PRKD2: variants seen among roughly 807,000 people sequenced by gnomAD.
PRKD2 encodes serine/threonine-protein kinase D2.
PRKD2 carries 22 observed loss-of-function variants against 86.0 expected under a neutral mutation model. The observed-to-expected ratio is 0.26, with a 90% CI of 0.18 to 0.37. The LOEUF (loss-of-function observed/expected upper bound fraction) is 0.37. Among genes scored for constraint, PRKD2 ranks in the 10% least tolerant of loss-of-function variants. The pLI is 1.00. For missense variants in PRKD2, 818 were observed against 1,199.2 expected (o/e 0.68, Z 4.70); for synonymous variants, 509 against 510.9 (o/e 1.00, Z 0.05).
Position 46,693,957 on chromosome 19 carries a change from C to G in PRKD2, c.1494G>C (p.Arg498=). ...GPSGQGAEAA[R]GWETAIRQAL... is the part of the protein sequence containing the mutation. The stretch of plus-strand genomic sequence containing the variant: ...CCTGGCGGATGGCTGTCTCCCAGCC[C>G]CGGGCGGCCTCAGCCCCCTGCCCAC... The change falls in exon 10 of 18, where the codon CGG becomes CGC. Residue 498 remains arginine, a synonymous_variant. Coordinates refer to ENST00000291281, the MANE Select transcript of PRKD2 (RefSeq NM_016457.5). The surrounding 1 kb of genome is among the most constrained non-coding windows in gnomAD (Gnocchi z 4.5). The G allele has an allele frequency of 6.2e-7, 1 of 1,612,140 alleles. No homozygotes were observed. The highest frequency in any genetic ancestry group is 8.5e-7 in the Non-Finnish European group (1 of 1,179,906).
At position 46,710,164 on chromosome 19, in the gene PRKD2, T is replaced by C. The variant is rs557417963; in HGVS notation, c.511+743A>G. ...CACCCGCCTCGGCCTCCCAAAGTGC[T>C]GGGATTACAGGCATGAGCCACCGTG... On this transcript the variant is annotated intron_variant, in intron 3 of 17. Coordinates refer to ENST00000291281, the MANE Select transcript of PRKD2 (RefSeq NM_016457.5). Among the ~76,000 whole-genome samples the C allele has an allele frequency of 1.4e-4, 21 of 152,244 alleles. No individual in the cohort carries two copies. The South Asian group carries it at 4.1e-3, about 30-fold the overall frequency.
Position 46,711,048 on chromosome 19 carries a change from G to A in PRKD2, c.380-10C>T. On this transcript the variant is annotated splice_polypyrimidine_tract_variant and intron_variant, in intron 2 of 17. Transcript: ENST00000291281. ...TCGAAGGTGGCCGAGGCTGTAGGCG[G>A]AAAATAGGGGTGGATGCTTGAGGCG... 1.3e-6 allele frequency: 2 copies of A among 1,575,018 alleles called. No homozygotes were observed. Among genetic ancestry groups the A allele is most frequent in the Non-Finnish European group, 1.7e-6 (2 of 1,159,108 alleles).
At chr19:46,698,847 C>A (rs184493455) in intron 7 of PRKD2, among the ~76,000 whole-genome samples, 1 of 152,180 alleles carries the variant, frequency 6.6e-6, no homozygotes, top group Non-Finnish European at 1.5e-5. Context: ...TTGATCACAT[C>A]TCTTTGCCTG....
intron 1 of PRKD2, 33 bp from the exon 2 acceptor site, chr19:46,714,034 A>C (rs1472799072): frequency 3.1e-6 from 5 of 1,608,516 alleles, no homozygotes; most frequent in Admixed American, 3.3e-5. Flanking sequence ...GGCGACGGAA[A>C]AGCTCAGAGC....
chr19:46,694,208 C>A (rs2053524998), intron 9 of PRKD2, 75 bp from the exon 10 acceptor site: 2 of 1,556,822 alleles, frequency 1.3e-6, no homozygotes, highest in Non-Finnish European at 1.7e-6. Flanking sequence ...CAGAAGGATA[C>A]ACGGGATCCA....
In PRKD2 at chr19:46,674,486, G is replaced by A. The variant is rs551631016; in HGVS notation, c.*37C>T. ...CATTGCTGGGATCCTGTGAAGAACC[G>A]CTGTGGAGGGCAGCAGCTGGACGAG... On this transcript the variant is annotated 3_prime_UTR_variant, in exon 18 of 18. Transcript: ENST00000291281. The A allele has an allele frequency of 1.9e-6, 3 of 1,583,650 alleles. No individual in the cohort carries two copies. The highest frequency in any genetic ancestry group is 2.3e-5 in the East Asian group (1 of 44,330).
chr19:46,675,896 G>C (rs1482034816), intron 16 of PRKD2, among the ~76,000 whole-genome samples: 1 of 151,868 alleles, frequency 6.6e-6, no homozygotes, highest in African/African-American at 2.4e-5. Flanking sequence ...CTCCTGAGCA[G>C]CCAGCTGGGA....
chr19:46,696,805 AT>A (rs1300051457), intron 9 of PRKD2, among the ~76,000 whole-genome samples: 1 of 152,158 alleles, frequency 6.6e-6, no homozygotes, highest in Non-Finnish European at 1.5e-5. Flanking sequence ...CAGCCTTAGA[AT>A]TACTGGGAGC....
intron 15 of PRKD2, 49 bp downstream of exon 15, chr19:46,681,601 C>CCCCCCCA: frequency 9.6e-7 from 1 of 1,036,994 alleles, no homozygotes; most frequent in Admixed American, 2.1e-5. Flanking sequence ...CCCACCCCGG[C>CCCCCCCA]CATCAGTGTT....
At chr19:46,680,001 C>G (rs2053272119) in intron 15 of PRKD2, among the ~76,000 whole-genome samples, 1 of 152,170 alleles carries the variant, frequency 6.6e-6, no homozygotes, top group Non-Finnish European at 1.5e-5. Context: ...GGTTCAAGGT[C>G]TTGCTCTGCT....
chr19:46,703,627 C>G lies in PRKD2; in HGVS notation c.889+542G>C, dbSNP rs147516097. Among the ~76,000 whole-genome samples, 1,240 of 152,132 alleles carry G rather than the reference C, an allele frequency of 8.2e-3. 25 individuals are homozygous for G. The highest frequency in any genetic ancestry group is 0.053 in the East Asian group (276 of 5,174). On this transcript the variant is annotated intron_variant, in intron 5 of 17. Transcript: ENST00000291281. ...TCTACTAAAAATACAAAAAAATTAG[C>G]CAGGCATGGTGGCGGGCGCCTGTAG...
intron 12 of PRKD2, 58 bp downstream of exon 12, chr19:46,691,677 C>T: frequency 6.5e-7 from 1 of 1,542,078 alleles, no homozygotes; most frequent in Non-Finnish European, 9.0e-7. Context: ...AGGGCTGGAG[C>T]CACAGCAGCT....
chr19:46,676,724 C>T (rs1433471451), intron 16 of PRKD2, among the ~76,000 whole-genome samples: 1 of 152,168 alleles, frequency 6.6e-6, no homozygotes, highest in African/African-American at 2.4e-5. Context: ...CACTTGTGCA[C>T]ACTCGATGCA....
At chr19:46,676,777 T>TG (rs2053210473) in intron 16 of PRKD2, among the ~76,000 whole-genome samples, 1 of 152,052 alleles carries the variant, frequency 6.6e-6, no homozygotes, top group Non-Finnish European at 1.5e-5. Context: ...AAGACAATGC[T>TG]GGCGGGGTGT....
At chr19:46,694,209 A>G in intron 9 of PRKD2, 76 bp from the exon 10 acceptor site, 1 of 1,556,586 alleles carries the variant, frequency 6.4e-7, no homozygotes, top group Admixed American at 1.8e-5. Flanking sequence ...AGAAGGATAC[A>G]CGGGATCCAT....
At chr19:46,695,261 C>T (rs755598731) in intron 9 of PRKD2, among the ~76,000 whole-genome samples, 2 of 152,096 alleles carry the variant, frequency 1.3e-5, no homozygotes, top group East Asian at 1.9e-4. Context: ...CCAAGGCAGG[C>T]GGATCACAAA....
At position 46,693,036 on chromosome 19, in the gene PRKD2, C is replaced by T. The variant is rs2053505162; in HGVS notation, c.1576+839G>A. Among the ~76,000 whole-genome samples, 1 of 152,182 alleles carries T rather than the reference C, an allele frequency of 6.6e-6. No homozygotes were observed. On this transcript the variant is annotated intron_variant, in intron 10 of 17. Transcript: ENST00000291281. This position sits in a 1 kb window ranked among gnomAD's most constrained non-coding sequence, Gnocchi z 4.5. ...CTCTCTCAACATTTTTTGCCTCTGC[C>T]TAAAATGACCTCCCATTTTCTTTCC...
At chr19:46,675,964 G>T (rs749732039) in intron 16 of PRKD2, among the ~76,000 whole-genome samples, 1 of 151,916 alleles carries the variant, frequency 6.6e-6, no homozygotes, top group Admixed American at 6.6e-5. Context: ...GAGATACATT[G>T]CCCAGGCTGG....
At chr19:46,714,251 A>T (rs1025983743) in intron 1 of PRKD2, 26 of 1,288,138 alleles carry the variant, frequency 2.0e-5, no homozygotes, top group Non-Finnish European at 2.6e-5. Flanking sequence ...GGTGGGAGGG[A>T]GAGTGGCTCC....
Sources: allele counts gnomAD v4.1 joint callset (sites outside exome capture counted in the v4.1 genomes callset), GRCh38; gene constraint gnomAD v4.1.1; non-coding constraint Gnocchi (gnomAD v3.1); transcripts MANE v1.5; gene names NCBI Gene and HGNC (gene_info 2026-07-23, HGNC 2026-07-21).